KIF3C: variants seen among roughly 807,000 people sequenced by gnomAD.
The protein encoded by KIF3C is kinesin-like protein KIF3C.
KIF3C carries 12 observed loss-of-function variants against 67.7 expected under a neutral mutation model. The ratio of observed to expected loss-of-function variants is 0.18; its 90% CI spans 0.11 to 0.29. KIF3C has a LOEUF of 0.29. Among genes scored for constraint, KIF3C ranks in the 10% least tolerant of loss-of-function variants. KIF3C has a pLI of 1.00. For synonymous variants in KIF3C, 393 were observed against 426.2 expected (o/e 0.92, Z 0.96); for missense variants, 789 against 1,059.6 (o/e 0.74, Z 3.55).
intron 1 of KIF3C, among the ~76,000 whole-genome samples, chr2:25,962,422 C>T (rs1428278904): frequency 2.6e-5 from 4 of 151,752 alleles, no homozygotes. Flanking sequence ...TCTTGTTGCC[C>T]AGGCTGGAGT....
intron 1 of KIF3C, among the ~76,000 whole-genome samples, chr2:25,971,020 C>T (rs1372016500): frequency 6.7e-6 from 1 of 150,332 alleles, no homozygotes; most frequent in African/African-American, 2.5e-5. Context: ...TGCCTGTAAT[C>T]CCAGCACTTT....
rs1663783054 is a variant in KIF3C, at chr2:25,955,512, C to T, written c.1770+29G>A. 1.9e-6 allele frequency: 3 copies of T among 1,612,990 alleles called. No individual in the cohort carries two copies. Among genetic ancestry groups the T allele is most frequent in the Admixed American group, 1.7e-5 (1 of 59,932 alleles). Reference sequence around the variant, plus strand: ...CAGAGACTGCTGGGCCTCCAGCACACCTTAACCGGTCCTGCTGCAGCGTCT... The same window carrying T: ...CAGAGACTGCTGGGCCTCCAGCACATCTTAACCGGTCCTGCTGCAGCGTCT... On this transcript the variant is annotated intron_variant, in intron 3 of 7. Coordinates refer to ENST00000264712, the MANE Select transcript of KIF3C (RefSeq NM_002254.8). This position sits in a 1 kb window ranked among gnomAD's most constrained non-coding sequence, Gnocchi z 5.0.
intron 1 of KIF3C, among the ~76,000 whole-genome samples, chr2:25,976,371 C>T (rs989546931): frequency 6.6e-6 from 1 of 152,158 alleles, no homozygotes; most frequent in East Asian, 1.9e-4. Context: ...GTCTTCAATT[C>T]GTGCCTGCAT....
chr2:25,971,891 T>TTC (rs1478499737), intron 1 of KIF3C, among the ~76,000 whole-genome samples: 16 of 144,058 alleles, frequency 1.1e-4, no homozygotes, highest in South Asian at 2.2e-4. Context: ...TTTTTTTTTT[T>TTC]TTTTTTTTAC....
At chr2:25,971,738 C>T (rs530454772) in intron 1 of KIF3C, among the ~76,000 whole-genome samples, 11 of 152,042 alleles carry the variant, frequency 7.2e-5, no homozygotes, top group Middle Eastern at 3.4e-3. Context: ...GTTGGGGTCT[C>T]GCTCTGTTGT....
At chr2:25,954,195 T>C in intron 4 of KIF3C, 72 bp downstream of exon 4, 1 of 1,089,834 alleles carries the variant, frequency 9.2e-7, no homozygotes, top group Non-Finnish European at 1.4e-6. Context: ...GGATGAGGCC[T>C]TAGGGGAGGA....
chr2:25,948,423 A>G (rs1436696116), intron 5 of KIF3C, among the ~76,000 whole-genome samples: 1 of 144,626 alleles, frequency 6.9e-6, no homozygotes, highest in Non-Finnish European at 1.5e-5. Flanking sequence ...GTGGTGGTGC[A>G]TGCCTGTGGC....
chr2:25,961,442 C>G (rs752402851), intron 1 of KIF3C, among the ~76,000 whole-genome samples: 1 of 152,206 alleles, frequency 6.6e-6, no homozygotes, highest in Non-Finnish European at 1.5e-5. Flanking sequence ...AATTTCTAGC[C>G]TATGTGAGCT....
At chr2:25,946,658 A>T (rs1270384743) in intron 5 of KIF3C, among the ~76,000 whole-genome samples, 1 of 152,216 alleles carries the variant, frequency 6.6e-6, no homozygotes, top group Non-Finnish European at 1.5e-5. Flanking sequence ...ACTGCACTCC[A>T]GCCTGACGAC....
intron 5 of KIF3C, among the ~76,000 whole-genome samples, chr2:25,945,939 C>T (rs1291451676): frequency 2.0e-5 from 3 of 151,734 alleles, no homozygotes; most frequent in Admixed American, 6.6e-5. Context: ...GGCGAAACTC[C>T]GTCTCTACCA....
intron 5 of KIF3C, among the ~76,000 whole-genome samples, chr2:25,936,973 T>C (rs1234157395): frequency 2.0e-5 from 3 of 152,204 alleles, no homozygotes; most frequent in Non-Finnish European, 2.9e-5. Context: ...GCTCTTTTAC[T>C]TGGGGAAGTG....
rs1301434633 is a variant in KIF3C at position 25,927,595 on chromosome 2, A to T, written c.*1383T>A. On this transcript the variant is annotated 3_prime_UTR_variant, in exon 8 of 8. Transcript: ENST00000264712. ...CCCGCCACCACCTCCCACACCCCCCATTTCAGGCAGATCTGTCAGTCTCAT... is the reference window on the plus strand; with the variant it reads ...CCCGCCACCACCTCCCACACCCCCCTTTTCAGGCAGATCTGTCAGTCTCAT... 1 of 151,132 alleles carries T rather than the reference A, an allele frequency of 6.6e-6. No homozygotes were observed. The highest frequency in any genetic ancestry group is 2.4e-5 in the African/African-American group (1 of 41,122). 9.4% of individuals were successfully genotyped at this position (151,132 alleles called of 1,614,324 possible).
chr2:25,956,359 T>C lies in KIF3C; in HGVS notation c.1631A>G (p.Gln544Arg), dbSNP rs757568667. ...AGGCCCTACCTGCTCGGCAATCTCC[T>C]GCCTCTTCAGTTCCAACATCTTCTG... ...EQQKMLELKRQEIAEQKRRER... is the reference protein window; with the variant it reads ...EQQKMLELKRREIAEQKRRER... The change falls in exon 2 of 8, where the codon CAG becomes CGG. Residue 544 changes from glutamine (Q) to arginine (R), a missense_variant. This residue lies in a region of KIF3C where 648 missense variants were observed against 807.8 expected (regional missense o/e 0.80). Transcript: ENST00000264712. The C allele has an allele frequency of 5.6e-6, 9 of 1,614,114 alleles. No homozygotes were observed. The South Asian group carries it at 8.8e-5, about 16-fold the overall frequency.
At position 25,981,090 on chromosome 2, in the gene KIF3C, TCCACCGCCA is replaced by T. The variant is rs763031630; in HGVS notation, c.819_827del (p.Gly275_Gly277del). 1.9e-6 allele frequency: 3 copies of T among 1,614,058 alleles called. No individual in the cohort carries two copies. Among genetic ancestry groups the T allele is most frequent in the African/African-American group, 1.3e-5 (1 of 75,024 alleles). ...CTCCACCAGCACCACCACCACTGCC[TCCACCGCCA>T]CCACCGCCACCCGAGGATGGTGTGG... On this transcript the variant is annotated inframe_deletion, in exon 1 of 8. Transcript: ENST00000264712. The surrounding 1 kb of genome is among the most constrained non-coding windows in gnomAD (Gnocchi z 8.2).
Position 25,954,255 on chromosome 2 carries a change from T to C in KIF3C, c.1889+12A>G, listed in dbSNP as rs1367171295. ...TGTGGGGACCCGGGATGAAAAGAGC[T>C]GCGGGCCCTACTTGAGCTTGAGTTC... On this transcript the variant is annotated intron_variant, in intron 4 of 7. Coordinates refer to ENST00000264712, the MANE Select transcript of KIF3C (RefSeq NM_002254.8). The C allele has an allele frequency of 6.2e-7, 1 of 1,600,620 alleles. No homozygotes were observed. Among genetic ancestry groups the C allele is most frequent in the East Asian group, 2.2e-5 (1 of 44,810 alleles).
intron 1 of KIF3C, among the ~76,000 whole-genome samples, chr2:25,966,321 G>A (rs1399752471): frequency 6.6e-6 from 1 of 152,066 alleles, no homozygotes; most frequent in African/African-American, 2.4e-5. Flanking sequence ...GGCCAGGCTG[G>A]TCTCGAACTC....
Position 25,980,865 on chromosome 2 carries a change from C to G in KIF3C, c.1053G>C (p.Glu351Asp), listed in dbSNP as rs1225714782. The G allele has an allele frequency of 6.2e-7, 1 of 1,614,176 alleles. No homozygotes were observed. The highest frequency in any genetic ancestry group is 8.5e-7 in the Non-Finnish European group (1 of 1,180,038). ...TLGPASHSYD[E>D]SLSTLRFANR... ...TGGCAAAGCGCAAGGTGGAGAGGCT[C>G]TCATCGTAGCTGTGAGAAGCTGGCC... The change falls in exon 1 of 8, where the codon GAG becomes GAC. Residue 351 changes from glutamate to aspartate, a missense_variant. Physicochemically the swap from Glu to Asp is conservative, Grantham distance 45. Around this residue, in one of 2 missense-constraint regions of KIF3C, gnomAD observed 648 missense variants for 807.8 expected, o/e 0.80. Coordinates refer to ENST00000264712, the MANE Select transcript of KIF3C (RefSeq NM_002254.8). The surrounding 1 kb of genome is among the most constrained non-coding windows in gnomAD (Gnocchi z 7.6).
At chr2:25,969,613 C>A (rs914045886) in intron 1 of KIF3C, among the ~76,000 whole-genome samples, 16 of 152,044 alleles carry the variant, frequency 1.1e-4, no homozygotes, top group African/African-American at 3.9e-4. Flanking sequence ...ACCATTATTG[C>A]GAGTTCTTAT....
chr2:25,930,483 C>T (rs191996832), intron 5 of KIF3C, among the ~76,000 whole-genome samples: 20 of 152,220 alleles, frequency 1.3e-4, no homozygotes, highest in Admixed American at 1.1e-3. Flanking sequence ...GTCAGCCTCC[C>T]GAGTAGCTGG....
Sources: allele counts gnomAD v4.1 joint callset (sites outside exome capture counted in the v4.1 genomes callset), GRCh38; gene constraint gnomAD v4.1.1; regional missense constraint gnomAD v4.1.1; non-coding constraint Gnocchi (gnomAD v3.1); transcripts MANE v1.5; gene names NCBI Gene and HGNC (gene_info 2026-07-23, HGNC 2026-07-21).